The following NRXN1 variants were observed in gnomAD, a reference collection of about 807,000 sequenced individuals.
NRXN1 encodes the protein neurexin 1.
NRXN1 carries 39 observed loss-of-function variants against 150.9 expected under a neutral mutation model. That is an observed-to-expected ratio of 0.26 (90% confidence interval 0.20 to 0.34). The LOEUF (loss-of-function observed/expected upper bound fraction) is 0.34. Ranked by LOEUF, NRXN1 falls within the 10% of genes least tolerant of loss-of-function variation. The probability of loss-of-function intolerance (pLI) is 1.00; values close to 1 mark genes in which losing one functional copy is unlikely to be tolerated. For missense variants in NRXN1, 1,815 were observed against 1,949.9 expected, an observed-to-expected ratio of 0.93 and a Z score of 1.30; for synonymous variants, 924 against 757.0, an observed-to-expected ratio of 1.22 and a Z score of -3.62.
At chr2:50,324,686 C>T (rs571900022) in intron 17 of NRXN1, among the ~76,000 whole-genome samples, 17 of 152,284 alleles carry the variant, frequency 1.1e-4, no homozygotes, top group African/African-American at 4.1e-4. Context: ...GGACTGCAGG[C>T]GCCCGCCATC....
intron 5 of NRXN1, among the ~76,000 whole-genome samples, chr2:50,787,545 G>A (rs770931245): frequency 2.6e-5 from 4 of 151,602 alleles, no homozygotes; most frequent in Non-Finnish European, 4.4e-5. Context: ...CAACAAGACC[G>A]AAACTCCATC....
intron 8 of NRXN1, among the ~76,000 whole-genome samples, chr2:50,580,972 C>T (rs1234633603): frequency 1.3e-5 from 2 of 152,060 alleles, no homozygotes; most frequent in Non-Finnish European, 2.9e-5. Flanking sequence ...GTAATATAAC[C>T]TTGAAAATGT....
At chr2:50,570,163 G>C (rs1267876478) in intron 8 of NRXN1, among the ~76,000 whole-genome samples, 1 of 152,064 alleles carries the variant, frequency 6.6e-6, no homozygotes, top group African/African-American at 2.4e-5. Flanking sequence ...AAGCAGGAAT[G>C]TCTTTTAGAA....
rs2091592596 is a variant in NRXN1 at position 50,495,998 on chromosome 2, T to C, written c.2977A>G (p.Ile993Val). ...TGGAGGTTGCTGGTGTCCCTTGATA[T>C]CATCACGTTGTGCCACTGATTGTCA... ...LNDNQWHNVM[I>V]SRDTSNLHTV... The change falls in exon 15 of 23, where the codon ATA (isoleucine) becomes GTA (valine). Residue 993 changes from isoleucine to valine, a missense_variant. Around this residue, in one of 6 missense-constraint regions of NRXN1, gnomAD observed 339 missense variants for 440.3 expected, o/e 0.77. Coordinates refer to ENST00000401669, the MANE Select transcript of NRXN1 (RefSeq NM_001330078.2). 11 of 1,613,780 alleles carry C rather than the reference T, an allele frequency of 6.8e-6. No homozygotes were observed. Among genetic ancestry groups the C allele is most frequent in the African/African-American group, 1.3e-5 (1 of 75,040 alleles).
intron 5 of NRXN1, among the ~76,000 whole-genome samples, chr2:50,779,807 A>G (rs1378415531): frequency 6.6e-6 from 1 of 151,974 alleles, no homozygotes; most frequent in Non-Finnish European, 1.5e-5. Context: ...ACAAAATAAA[A>G]TAAAATAAAA....
At chr2:50,175,183 C>A (rs2678219) in intron 18 of NRXN1, 30,563 of 152,116 alleles carry the variant, frequency 0.2, 3,617 homozygotes, top group Non-Finnish European at 0.26. Flanking sequence ...CAAGGCAAGG[C>A]CATCCAACAG....
chr2:50,622,706 C>T (rs1680251995), intron 6 of NRXN1, among the ~76,000 whole-genome samples: 1 of 151,992 alleles, frequency 6.6e-6, no homozygotes. Flanking sequence ...GAAATGGGCA[C>T]CTAGAAGATT....
chr2:50,668,295 C>T (rs1397208147), intron 5 of NRXN1, among the ~76,000 whole-genome samples: 1 of 151,492 alleles, frequency 6.6e-6, no homozygotes, highest in Non-Finnish European at 1.5e-5. Flanking sequence ...AATCAGTGTT[C>T]TTTTTTTCAA....
chr2:50,885,835 A>ACACACACC (rs1448938629), intron 5 of NRXN1, among the ~76,000 whole-genome samples: 1 of 151,008 alleles, frequency 6.6e-6, no homozygotes, highest in Non-Finnish European at 1.5e-5. Context: ...ACACACACAC[A>ACACACACC]CACACACACA....
In NRXN1 at chr2:50,746,095, C is replaced by A. The variant is rs142481074; in HGVS notation, c.833-122480G>T. ...AGCTAAAACTTTTTCTCCTGGCACC[C>A]AAATTTATATTTCTGAATCAGTTTT... is the stretch of plus-strand genomic sequence containing the variant. On this transcript the variant is annotated intron_variant, in intron 5 of 22. Transcript: ENST00000401669. 3.3e-4 allele frequency among the ~76,000 whole-genome samples: 50 copies of A among 152,192 alleles called. No homozygotes were observed. In the East Asian group the frequency reaches 8.7e-3, roughly 27 times the overall value.
At chr2:50,751,163 G>C (rs1700549633) in intron 5 of NRXN1, among the ~76,000 whole-genome samples, 1 of 151,922 alleles carries the variant, frequency 6.6e-6, no homozygotes, top group Non-Finnish European at 1.5e-5. Flanking sequence ...ATGGCATATA[G>C]GCTTTGGATT....
chr2:51,010,834 G>C (rs956713076), intron 2 of NRXN1, among the ~76,000 whole-genome samples: 1 of 151,398 alleles, frequency 6.6e-6, no homozygotes, highest in Non-Finnish European at 1.5e-5. Context: ...ACCCAGGCTA[G>C]AGGACAGTGG....
chr2:50,761,861 C>A (rs1408990145), intron 5 of NRXN1, among the ~76,000 whole-genome samples: 1 of 151,828 alleles, frequency 6.6e-6, no homozygotes, highest in Non-Finnish European at 1.5e-5. Flanking sequence ...TTCTCCCATG[C>A]TGGATGCTTC....
chr2:50,656,977 T>A (rs922168950), intron 5 of NRXN1, among the ~76,000 whole-genome samples: 1 of 152,006 alleles, frequency 6.6e-6, no homozygotes, highest in African/African-American at 2.4e-5. Flanking sequence ...TTATGTAAGT[T>A]TTCCACCTTC....
intron 8 of NRXN1, among the ~76,000 whole-genome samples, chr2:50,606,377 G>A (rs1348645002): frequency 2.0e-5 from 3 of 150,936 alleles, no homozygotes; most frequent in Non-Finnish European, 4.4e-5. Context: ...CCACTTACAA[G>A]AAATATCTAA....
intron 18 of NRXN1, among the ~76,000 whole-genome samples, chr2:50,113,909 A>G (rs1702694043): frequency 6.6e-6 from 1 of 152,174 alleles, no homozygotes; most frequent in South Asian, 2.1e-4. Context: ...GAGTATCTCT[A>G]TGTACACAGG....
intron 21 of NRXN1, among the ~76,000 whole-genome samples, chr2:50,044,347 G>A (rs1573580572): frequency 6.6e-6 from 1 of 152,264 alleles, no homozygotes; most frequent in African/African-American, 2.4e-5. Flanking sequence ...GAGCTAAGGG[G>A]GCCGAGGCTA....
At chr2:50,774,102 C>G (rs1370299190) in intron 5 of NRXN1, among the ~76,000 whole-genome samples, 1 of 152,102 alleles carries the variant, frequency 6.6e-6, no homozygotes, top group East Asian at 1.9e-4. Flanking sequence ...TGGCAGGAGG[C>G]TCAGTATTTT....
Position 50,167,486 on chromosome 2 carries a change from T to C in NRXN1, c.3546+69303A>G, listed in dbSNP as rs568456265. Among the ~76,000 whole-genome samples the C allele has an allele frequency of 1.1e-4, 16 of 152,140 alleles. No homozygotes were observed. The East Asian group carries it at 1.2e-3, about 11-fold the overall frequency. On this transcript the variant is annotated intron_variant, in intron 18 of 22. Coordinates refer to ENST00000401669, the MANE Select transcript of NRXN1 (RefSeq NM_001330078.2). The stretch of plus-strand genomic sequence containing the variant: ...GCTACCATACTGGCATCTGGTGCTA[T>C]TGGCAACCAGTGCAAGGATAAGCTC...
Sources: allele counts gnomAD v4.1 joint callset (sites outside exome capture counted in the v4.1 genomes callset), GRCh38; gene constraint gnomAD v4.1.1; regional missense constraint gnomAD v4.1.1; transcripts MANE v1.5; gene names NCBI Gene and HGNC (gene_info 2026-07-23, HGNC 2026-07-21).